OTUD7A: variants seen among roughly 807,000 people sequenced by gnomAD.
OTUD7A encodes OTU deubiquitinase 7A.
In OTUD7A, 12 loss-of-function variants were observed where a neutral mutation model predicts 65.7. That is an observed-to-expected ratio of 0.18 (90% confidence interval 0.12 to 0.30). OTUD7A has a LOEUF of 0.30. Among genes scored for constraint, OTUD7A ranks in the 10% least tolerant of loss-of-function variants. OTUD7A has a pLI of 1.00. For synonymous variants in OTUD7A, 641 were observed against 586.3 expected (o/e 1.09, Z -1.35); for missense variants, 1,148 against 1,304.8 (o/e 0.88, Z 1.85).
chr15:31,864,926 A>C (rs909748906), intron 1 of OTUD7A, among the ~76,000 whole-genome samples: 1 of 152,200 alleles, frequency 6.6e-6, no homozygotes, highest in African/African-American at 2.4e-5. Flanking sequence ...TTTATTGAAC[A>C]ACTTATCAAT....
At chr15:31,552,286 C>T (rs1888350239) in intron 5 of OTUD7A, among the ~76,000 whole-genome samples, 1 of 152,158 alleles carries the variant, frequency 6.6e-6, no homozygotes, top group Non-Finnish European at 1.5e-5. Context: ...TATAAATTAC[C>T]TGGTCTCAGG....
intron 10 of OTUD7A, among the ~76,000 whole-genome samples, chr15:31,494,096 A>G (rs527474072): frequency 2.0e-5 from 3 of 152,358 alleles, no homozygotes; most frequent in Non-Finnish European, 2.9e-5. Flanking sequence ...TCTCTGGCCT[A>G]AAGTTTATAT....
At position 31,743,065 on chromosome 15, in the gene OTUD7A, C is replaced by T. The variant is rs375221172; in HGVS notation, c.-99-85988G>A. Among the ~76,000 whole-genome samples, 16 of 152,174 alleles carry T rather than the reference C, an allele frequency of 1.1e-4. No homozygotes were observed. In the East Asian group the frequency reaches 1.5e-3, roughly 15 times the overall value. On this transcript the variant is annotated intron_variant, in intron 1 of 12. Transcript: ENST00000307050. ...CTAGAACAACTAGACAGAAAAGGCA[C>T]GGATATAGAAGACCAGAACATCATC...
chr15:31,727,312 A>AG (rs1162941298), intron 1 of OTUD7A, among the ~76,000 whole-genome samples: 1 of 152,194 alleles, frequency 6.6e-6, no homozygotes, highest in Non-Finnish European at 1.5e-5. Flanking sequence ...ACATAGTCCA[A>AG]GGCCTGTTCT....
intron 3 of OTUD7A, among the ~76,000 whole-genome samples, chr15:31,639,026 C>T (rs1333520979): frequency 1.3e-5 from 2 of 151,866 alleles, no homozygotes; most frequent in Non-Finnish European, 2.9e-5. Flanking sequence ...CGCAGCTACT[C>T]GGGAGGCTGA....
intron 1 of OTUD7A, among the ~76,000 whole-genome samples, chr15:31,868,088 G>T (rs1374833837): frequency 1.3e-5 from 2 of 152,188 alleles, no homozygotes; most frequent in Admixed American, 6.5e-5. Context: ...ATGAATAAAT[G>T]ACCTTAATAT....
intron 5 of OTUD7A, 90 bp from the exon 6 acceptor site, chr15:31,530,898 G>T: frequency 1.1e-6 from 1 of 941,694 alleles, no homozygotes. Context: ...ATCAGGGACA[G>T]ATTTTCTACA....
intron 1 of OTUD7A, among the ~76,000 whole-genome samples, chr15:31,815,151 A>G (rs766819306): frequency 9.9e-5 from 15 of 152,194 alleles, no homozygotes; most frequent in Non-Finnish European, 1.8e-4. Flanking sequence ...TGCTGTATCT[A>G]AATCTGCAAT....
At position 31,610,605 on chromosome 15, in the gene OTUD7A, AT is replaced by A. The variant is rs1171755902; in HGVS notation, c.152-40409del. Among the ~76,000 whole-genome samples the A allele has an allele frequency of 1.1e-3, 44 of 38,662 alleles. 3 individuals are homozygous for A. The highest frequency in any genetic ancestry group is 3.3e-3 in the African/African-American group (30 of 9,206). 25.4% of individuals were successfully genotyped at this position (38,662 alleles called of 152,430 possible). ...AAGAAAAATGAAATTATATATATAT[AT>A]ATATATATATATTTTTTTTTTTTTT... On this transcript the variant is annotated intron_variant, in intron 3 of 12. Transcript: ENST00000307050.
chr15:31,569,859 G>A (rs1468880947), intron 4 of OTUD7A, among the ~76,000 whole-genome samples, 159 bp downstream of exon 4: 1 of 152,202 alleles, frequency 6.6e-6, no homozygotes, highest in Non-Finnish European at 1.5e-5. Context: ...AAGCAACAAA[G>A]GACATTTCGG....
intron 1 of OTUD7A, among the ~76,000 whole-genome samples, chr15:31,825,938 G>C (rs913225007): frequency 9.9e-5 from 15 of 152,236 alleles, no homozygotes; most frequent in Non-Finnish European, 1.8e-4. Context: ...TTATGATGAT[G>C]CTAGAGGGGG....
chr15:31,598,323 G>C (rs527653149), intron 3 of OTUD7A, among the ~76,000 whole-genome samples: 2 of 152,300 alleles, frequency 1.3e-5, no homozygotes, highest in South Asian at 4.1e-4. Flanking sequence ...ATTGGGACTG[G>C]TTGGACAGTG....
At chr15:31,630,165 T>C (rs1431031242) in intron 3 of OTUD7A, among the ~76,000 whole-genome samples, 2 of 149,148 alleles carry the variant, frequency 1.3e-5, no homozygotes, top group Non-Finnish European at 3.0e-5. Flanking sequence ...GCTTTTCTAG[T>C]TCTTTTAACT....
At chr15:31,576,766 C>T (rs1339004429) in intron 3 of OTUD7A, among the ~76,000 whole-genome samples, 1 of 152,068 alleles carries the variant, frequency 6.6e-6, no homozygotes, top group African/African-American at 2.4e-5. Flanking sequence ...TTAGAATATT[C>T]CTGAAGGGCA....
chr15:31,508,849 T>C (rs965285029), intron 8 of OTUD7A, among the ~76,000 whole-genome samples: 1 of 152,290 alleles, frequency 6.6e-6, no homozygotes, highest in African/African-American at 2.4e-5. Flanking sequence ...GGGGACATTG[T>C]GGCCCTGCCC....
intron 1 of OTUD7A, among the ~76,000 whole-genome samples, chr15:31,790,246 C>T (rs1448369261): frequency 6.6e-6 from 1 of 151,684 alleles, no homozygotes; most frequent in Non-Finnish European, 1.5e-5. Flanking sequence ...GGCAGGGCCA[C>T]CCCCAGAGAC....
chr15:31,484,738 G>A lies in OTUD7A; in HGVS notation c.1372-14C>T, dbSNP rs1388558423. Reference sequence around the variant, plus strand: ...TGCCAGGGGCGCCTGTGTGGAGAGGGAGGGCCGGATCGAAGGTGGTTAGAG... The same window carrying A: ...TGCCAGGGGCGCCTGTGTGGAGAGGAAGGGCCGGATCGAAGGTGGTTAGAG... On this transcript the variant is annotated splice_polypyrimidine_tract_variant and intron_variant, in intron 12 of 12. Transcript: ENST00000307050. The surrounding 1 kb of genome is among the most constrained non-coding windows in gnomAD (Gnocchi z 4.5). 6.3e-7 allele frequency: 1 copy of A among 1,588,612 alleles called. No homozygotes were observed.
intron 8 of OTUD7A, among the ~76,000 whole-genome samples, chr15:31,506,167 TA>T (rs1008642032): frequency 3.4e-4 from 51 of 152,120 alleles, no homozygotes; most frequent in African/African-American, 1.2e-3. Context: ...ATAGTTTTGT[TA>T]GGGGCAGTAT....
At chr15:31,677,055 C>T (rs1274098209) in intron 1 of OTUD7A, among the ~76,000 whole-genome samples, 4 of 152,212 alleles carry the variant, frequency 2.6e-5, no homozygotes, top group African/African-American at 9.7e-5. Flanking sequence ...GGTGTGGCCA[C>T]GTGACTTAAG....
Sources: allele counts gnomAD v4.1 joint callset (sites outside exome capture counted in the v4.1 genomes callset), GRCh38; gene constraint gnomAD v4.1.1; non-coding constraint Gnocchi (gnomAD v3.1); transcripts MANE v1.5; gene names NCBI Gene and HGNC (gene_info 2026-07-23, HGNC 2026-07-21).